TF: variants seen among roughly 807,000 people sequenced by gnomAD.
TF encodes serotransferrin.
A neutral mutation model predicts 82.4 loss-of-function variants in TF; 55 were observed. The ratio of observed to expected loss-of-function variants is 0.67; its 90% CI spans 0.54 to 0.84. The LOEUF is 0.84. Among genes scored for constraint, TF ranks in the 40% least tolerant of loss-of-function variants. TF has a pLI of 0.00. For missense variants in TF, 737 were observed against 868.4 expected (o/e 0.85, Z 1.90); for synonymous variants, 332 against 332.6 (o/e 1.00, Z 0.02).
intron 15 of TF, 35 bp from the exon 16 acceptor site, chr3:133,777,014 A>G: frequency 6.2e-7 from 1 of 1,604,970 alleles, no homozygotes; most frequent in Non-Finnish European, 8.5e-7. Context: ...GCTAAAGACC[A>G]CAAGGTCCTC....
At position 133,748,458 on chromosome 3, in the gene TF, G is replaced by GTC; in HGVS notation, c.91_92dup (p.Glu32ArgfsTer15). ...ATAAAACTGTGAGATGGTGTGCAGT[G>GTC]TCGGAGCATGAGGCCACTAAGTGCC... On this transcript the variant is annotated frameshift_variant, in exon 2 of 17. Transcript: ENST00000402696. LOFTEE classifies it high-confidence loss of function. 1 of 1,614,158 alleles carries GTC rather than the reference G, an allele frequency of 6.2e-7. No individual in the cohort carries two copies. The highest frequency in any genetic ancestry group is 8.5e-7 in the Non-Finnish European group (1 of 1,180,034).
the TF span, among the ~76,000 whole-genome samples, chr3:133,671,689 A>G: frequency 6.6e-6 from 1 of 151,668 alleles, no homozygotes; most frequent in South Asian, 2.1e-4. Context: ...GCTACTCAGG[A>G]GGCTGAGCCA....
At chr3:133,715,897 T>C in the TF span, among the ~76,000 whole-genome samples, 13 of 152,342 alleles carry the variant, frequency 8.5e-5, no homozygotes, top group African/African-American at 2.4e-4. Flanking sequence ...TTGGTCCTTG[T>C]GTTGTTGCAG....
the TF span, among the ~76,000 whole-genome samples, chr3:133,734,981 G>T: frequency 6.6e-6 from 1 of 152,174 alleles, no homozygotes; most frequent in Admixed American, 6.5e-5. Context: ...GTAACATGTG[G>T]ATCTTCTTTG....
At position 133,781,530 on chromosome 3, in the gene TF, T is replaced by C. The variant is rs1934515798; in HGVS notation, c.*2910T>C. 1 of 151,988 alleles carries C rather than the reference T, an allele frequency of 6.6e-6. No homozygotes were observed. Among genetic ancestry groups the C allele is most frequent in the Non-Finnish European group, 1.5e-5 (1 of 67,990 alleles). The allele number at this position is 151,988 out of a possible 1,614,324, so 9.4% of individuals were successfully genotyped here. On this transcript the variant is annotated 3_prime_UTR_variant, in exon 17 of 17. Transcript: ENST00000402696. ...AAACCACACTTATCAAAGTAAAAAA[T>C]AATGTAAAGAAGACATATTGCTTTG...
the TF span, among the ~76,000 whole-genome samples, chr3:133,665,935 C>CAAAA: frequency 7.7e-5 from 4 of 52,044 alleles, no homozygotes; most frequent in Non-Finnish European, 1.4e-4. Context: ...AACTCCATCT[C>CAAAA]AAAAAAAAAA....
the TF span, among the ~76,000 whole-genome samples, chr3:133,683,656 C>A: frequency 2.0e-5 from 3 of 152,152 alleles, no homozygotes; most frequent in Non-Finnish European, 4.4e-5. Context: ...AGCTAACTAT[C>A]CTAAATATAT....
chr3:133,695,357 C>A, the TF span, among the ~76,000 whole-genome samples: 1 of 150,586 alleles, frequency 6.6e-6, no homozygotes, highest in Non-Finnish European at 1.5e-5. Flanking sequence ...AAGCGATTCT[C>A]CTGCCTTAGC....
In TF at chr3:133,781,352, G is replaced by A. The variant is rs886546776; in HGVS notation, c.*2732G>A. 4 of 150,816 alleles carry A rather than the reference G, an allele frequency of 2.7e-5. No individual in the cohort carries two copies. Among genetic ancestry groups the A allele is most frequent in the African/African-American group, 9.7e-5 (4 of 41,050 alleles). The allele number at this position is 150,816 out of a possible 1,614,324, so 9.3% of individuals were successfully genotyped here. On this transcript the variant is annotated 3_prime_UTR_variant, in exon 17 of 17. Transcript: ENST00000402696. ...AAATAATAATAATAATAAATAAAGTGGTAAAAGTGGTAAGATAAAATTCAG... is the reference window on the plus strand; with the variant it reads ...AAATAATAATAATAATAAATAAAGTAGTAAAAGTGGTAAGATAAAATTCAG...
chr3:133,703,404 G>A, the TF span, among the ~76,000 whole-genome samples: 1 of 152,166 alleles, frequency 6.6e-6, no homozygotes, highest in Non-Finnish European at 1.5e-5. Context: ...GTGGTTACAA[G>A]GAATTAAATT....
At chr3:133,774,249 GAACT>G (rs936927408) in intron 14 of TF, 9 of 152,074 alleles carry the variant, frequency 5.9e-5, no homozygotes, top group Non-Finnish European at 1.0e-4. Context: ...TATACCCTTT[GAACT>G]AACTATTCCA....
chr3:133,669,054 G>A, the TF span, among the ~76,000 whole-genome samples: 1 of 151,824 alleles, frequency 6.6e-6, no homozygotes, highest in African/African-American at 2.4e-5. Flanking sequence ...AGGGTGGAGT[G>A]CAATGGCGCG....
chr3:133,684,611 G>A, the TF span, among the ~76,000 whole-genome samples: 1 of 152,154 alleles, frequency 6.6e-6, no homozygotes. Flanking sequence ...TAGAAGAAAT[G>A]GATAAATTCC....
intron 14 of TF, chr3:133,774,243 C>T (rs924223229): frequency 1.3e-5 from 2 of 152,062 alleles, no homozygotes; most frequent in African/African-American, 4.8e-5. Context: ...AATACATATA[C>T]CCTTTGAACT....
the TF span, among the ~76,000 whole-genome samples, chr3:133,667,501 T>A: frequency 6.6e-6 from 1 of 152,124 alleles, no homozygotes; most frequent in East Asian, 1.9e-4. Context: ...GGAAAAGATC[T>A]AGTTAAAGAA....
the TF span, chr3:133,709,363 C>G: frequency 6.6e-6 from 1 of 152,534 alleles, no homozygotes; most frequent in Non-Finnish European, 1.5e-5. Context: ...TGGAGAATAC[C>G]AGCTCCAGCA....
rs1934474415 is a variant in TF, at chr3:133,779,637, G to A, written c.*1017G>A. ...CTGGGGTTTTCTCTTGATCTGGTCA[G>A]TGCTCCTCTCACTTTGCAGGCCCTC... is the stretch of plus-strand genomic sequence containing the variant. On this transcript the variant is annotated 3_prime_UTR_variant, in exon 17 of 17. Transcript: ENST00000402696. 6.6e-6 allele frequency: 1 copy of A among 152,500 alleles called. No homozygotes were observed. The highest frequency in any genetic ancestry group is 1.5e-5 in the Non-Finnish European group (1 of 68,320). 9.4% of individuals were successfully genotyped at this position (152,500 alleles called of 1,614,324 possible).
chr3:133,700,150 A>C, the TF span: 1 of 152,638 alleles, frequency 6.6e-6, no homozygotes, highest in Non-Finnish European at 1.5e-5. Flanking sequence ...TCCTTTATGG[A>C]GGACAAAGGG....
chr3:133,769,570 T>A (rs564765394), intron 13 of TF, among the ~76,000 whole-genome samples: 16 of 151,922 alleles, frequency 1.1e-4, no homozygotes, highest in South Asian at 2.1e-4. Context: ...CCAAAGAAAA[T>A]AAAATTAAAT....
Sources: allele counts gnomAD v4.1 joint callset (sites outside exome capture counted in the v4.1 genomes callset), GRCh38; gene constraint gnomAD v4.1.1; transcripts MANE v1.5; gene names NCBI Gene and HGNC (gene_info 2026-07-23, HGNC 2026-07-21).